Variants in SETD2 observed in about 807,000 individuals in gnomAD.
SETD2 encodes the protein histone-lysine N-methyltransferase SETD2.
In SETD2, 31 loss-of-function variants were observed where a neutral mutation model predicts 242.1. The observed-to-expected ratio is 0.13, with a 90% confidence interval of 0.10 to 0.17. The LOEUF is 0.17. Among genes scored for constraint, SETD2 ranks in the 10% least tolerant of loss-of-function variants. The pLI, the probability that SETD2 is intolerant of heterozygous loss-of-function variation, is 1.00. For missense variants in SETD2, 2,481 were observed against 3,046.3 expected (o/e 0.81, Z 4.37); for synonymous variants, 1,006 against 1,066.5 (o/e 0.94, Z 1.11).
At chr3:47,150,042 T>TTTTTTTC (rs2043948151) in intron 1 of SETD2, among the ~76,000 whole-genome samples, 1 of 140,946 alleles carries the variant, frequency 7.1e-6, no homozygotes, top group South Asian at 2.3e-4. Flanking sequence ...TTTTTTTTTT[T>TTTTTTTC]TTTTTTGAGA....
chr3:47,063,371 A>C (rs2040423308), intron 13 of SETD2, among the ~76,000 whole-genome samples: 1 of 152,124 alleles, frequency 6.6e-6, no homozygotes, highest in Admixed American at 6.5e-5. Flanking sequence ...GCTACTTGCA[A>C]GAGGCTGAGG....
At position 47,122,691 on chromosome 3, in the gene SETD2, T is replaced by C. The variant is rs2043149647; in HGVS notation, c.1945A>G (p.Ile649Val). 2.5e-6 allele frequency: 4 copies of C among 1,613,240 alleles called. No individual in the cohort carries two copies. Among genetic ancestry groups the C allele is most frequent in the African/African-American group, 1.3e-5 (1 of 74,886 alleles). Reference sequence around the variant, plus strand: ...TTAGATAAAGAGTCTAATTCCTTAATACTATCATGGCTATCATGTGTTATA... The same window carrying C: ...TTAGATAAAGAGTCTAATTCCTTAACACTATCATGGCTATCATGTGTTATA... ...EFITHDSHDS[I>V]KELDSLSKVK... is the part of the protein sequence containing the mutation. Residue 649 changes from isoleucine to valine, a missense_variant, in exon 3 of 21, where the codon ATT becomes GTT. By Grantham distance (29) the Ile-to-Val change is conservative. Transcript: ENST00000409792.
Position 47,062,350 on chromosome 3 carries a change from A to G in SETD2, c.6110-4T>C. On this transcript the variant is annotated splice_polypyrimidine_tract_variant and splice_region_variant and intron_variant, in intron 13 of 20. Coordinates refer to ENST00000409792, the MANE Select transcript of SETD2 (RefSeq NM_014159.7). ...GCATCCCTTCCTCGTTCAGTTGCTA[A>G]GGGAAAAGGGTGGTTTGTTTGTTTT... 1.3e-6 allele frequency: 2 copies of G among 1,560,178 alleles called. No individual in the cohort carries two copies. Among genetic ancestry groups the G allele is most frequent in the Non-Finnish European group, 1.7e-6 (2 of 1,163,178 alleles).
chr3:47,103,486 G>T, intron 6 of SETD2, 63 bp from the exon 7 acceptor site: 1 of 1,128,456 alleles, frequency 8.9e-7, no homozygotes, highest in Non-Finnish European at 1.3e-6. Flanking sequence ...GCAATTACCT[G>T]CAAAACTACA....
chr3:47,110,183 T>C (rs1205146303), intron 5 of SETD2, among the ~76,000 whole-genome samples: 1 of 152,190 alleles, frequency 6.6e-6, no homozygotes, highest in Non-Finnish European at 1.5e-5. Flanking sequence ...CCACATATTG[T>C]ATAATTTCAT....
intron 11 of SETD2, 59 bp downstream of exon 11, chr3:47,086,136 A>T: frequency 6.3e-7 from 1 of 1,588,756 alleles, no homozygotes; most frequent in Non-Finnish European, 8.6e-7. Context: ...TCACATATCC[A>T]CAACCGAGGC....
rs1299511576 is a variant in SETD2, at chr3:47,122,876, G to T, written c.1760C>A (p.Ser587Tyr). The T allele has an allele frequency of 6.2e-7, 1 of 1,610,238 alleles. No homozygotes were observed. Among genetic ancestry groups the T allele is most frequent in the African/African-American group, 1.3e-5 (1 of 74,618 alleles). The change falls in exon 3 of 21, where the codon TCT (serine) becomes TAT (tyrosine). Residue 587 changes from serine (S) to tyrosine (Y), a missense_variant. By Grantham distance (144) the Ser-to-Tyr change is moderately radical. This residue lies in a region of SETD2 where 1,300 missense variants were observed against 1,259.2 expected (regional missense o/e 1.03). Transcript: ENST00000409792. ...ELNEEIKQSH[S>Y]FSLQTPCSKG... ...TGAACAAGGTGTCTGTAAACTAAAA[G>T]AATGAGACTGTTTGATTTCTTCATT... is the stretch of plus-strand genomic sequence containing the variant.
chr3:47,037,288 C>CT (rs113038948), intron 18 of SETD2, among the ~76,000 whole-genome samples: 1 of 117,452 alleles, frequency 8.5e-6, no homozygotes, highest in African/African-American at 3.4e-5. Flanking sequence ...CCCTCCCCCC[C>CT]ACCCCACAAC....
At chr3:47,162,313 C>T (rs1322080114) in intron 1 of SETD2, among the ~76,000 whole-genome samples, 1 of 151,986 alleles carries the variant, frequency 6.6e-6, no homozygotes, top group Non-Finnish European at 1.5e-5. Flanking sequence ...AAACTAAAAA[C>T]CTATAACATG....
intron 14 of SETD2, 103 bp from the exon 15 acceptor site, chr3:47,057,593 T>C (rs2040136272): frequency 2.5e-6 from 2 of 803,370 alleles, no homozygotes; most frequent in Non-Finnish European, 4.0e-6. Flanking sequence ...ACTAACCACA[T>C]CAAACCCTAT....
chr3:47,095,426 G>A (rs1444928587), intron 9 of SETD2, among the ~76,000 whole-genome samples: 1 of 152,202 alleles, frequency 6.6e-6, no homozygotes, highest in Non-Finnish European at 1.5e-5. Context: ...GAGCCACCGT[G>A]CCTGGCCTGG....
chr3:47,019,427 A>G (rs1424448773), intron 19 of SETD2, among the ~76,000 whole-genome samples: 4 of 152,244 alleles, frequency 2.6e-5, no homozygotes, highest in East Asian at 1.9e-4. Flanking sequence ...TGTCATTCAC[A>G]TAACAACTAA....
intron 4 of SETD2, among the ~76,000 whole-genome samples, chr3:47,116,048 C>T (rs2042840061): frequency 6.6e-6 from 1 of 152,138 alleles, no homozygotes. Flanking sequence ...GAATAGAATA[C>T]ATAATGCAGT....
In SETD2 at chr3:47,121,121, C is replaced by T; in HGVS notation, c.3515G>A (p.Ser1172Asn). ...AGGGTCAGATTTCACATCTGTATGACTTGTACTATCAACCCCATCACTCTG... is the reference window on the plus strand; with the variant it reads ...AGGGTCAGATTTCACATCTGTATGATTTGTACTATCAACCCCATCACTCTG... Reference protein sequence around the residue: ...HPQSDGVDSTSHTDVKSDPLG... With the variant: ...HPQSDGVDSTNHTDVKSDPLG... The change falls in exon 3 of 21, where the codon AGT becomes AAT. Residue 1172 changes from serine (S) to asparagine (N), a missense_variant. Around this residue, in one of 17 missense-constraint regions of SETD2, gnomAD observed 1,300 missense variants for 1,259.2 expected, o/e 1.03. Transcript: ENST00000409792. The T allele has an allele frequency of 6.2e-7, 1 of 1,614,122 alleles. No homozygotes were observed. The highest frequency in any genetic ancestry group is 8.5e-7 in the Non-Finnish European group (1 of 1,180,010).
rs1471434383 is a variant in SETD2 at position 47,121,379 on chromosome 3, C to A, written c.3257G>T (p.Cys1086Phe). ...STLPMEETSP[C>F]SSRSSQSYRH... is the part of the protein sequence containing the mutation. ...ATAACTTTGACTGCTCCGAGAAGAA[C>A]AAGGACTTGTTTCTTCCATGGGCAA... Residue 1086 changes from cysteine (C) to phenylalanine (F), a missense_variant, in exon 3 of 21, where the codon TGT becomes TTT. By Grantham distance (205) the Cys-to-Phe change is radical. This residue lies in a region of SETD2 where 1,300 missense variants were observed against 1,259.2 expected (regional missense o/e 1.03). Coordinates refer to ENST00000409792, the MANE Select transcript of SETD2 (RefSeq NM_014159.7). 1 of 1,609,720 alleles carries A rather than the reference C, an allele frequency of 6.2e-7. No individual in the cohort carries two copies. Among genetic ancestry groups the A allele is most frequent in the African/African-American group, 1.3e-5 (1 of 74,906 alleles).
intron 1 of SETD2, among the ~76,000 whole-genome samples, chr3:47,142,566 G>A (rs1388988942): frequency 2.6e-5 from 4 of 151,788 alleles, no homozygotes; most frequent in South Asian, 2.1e-4. Flanking sequence ...ATACTGCTCC[G>A]GAATGTACTG....
rs2043064109 is a variant in SETD2 at position 47,121,071 on chromosome 3, T to C, written c.3565A>G (p.Thr1189Ala). The change falls in exon 3 of 21, where the codon ACC becomes GCC. Residue 1189 changes from threonine (T) to alanine (A), a missense_variant. Thr to Ala is a moderately conservative substitution (Grantham distance 58). Around this residue, in one of 17 missense-constraint regions of SETD2, gnomAD observed 1,300 missense variants for 1,259.2 expected, o/e 1.03. Coordinates refer to ENST00000409792, the MANE Select transcript of SETD2 (RefSeq NM_014159.7). ...CTAGAAGGTATTTTGGCTTTCACGGTTTCCTCTGAATTTGGGTGACCCAGA... is the reference window on the plus strand; with the variant it reads ...CTAGAAGGTATTTTGGCTTTCACGGCTTCCTCTGAATTTGGGTGACCCAGA... Reference protein sequence around the residue: ...DPLGHPNSEETVKAKIPSRQQ... With the variant: ...DPLGHPNSEEAVKAKIPSRQQ... 1 of 1,614,150 alleles carries C rather than the reference T, an allele frequency of 6.2e-7. No individual in the cohort carries two copies. The highest frequency in any genetic ancestry group is 8.5e-7 in the Non-Finnish European group (1 of 1,180,012).
chr3:47,107,722 GGGGGGGGT>G (rs1283539486), intron 5 of SETD2, among the ~76,000 whole-genome samples: 19 of 976 alleles, frequency 0.019, 1 homozygote, highest in Admixed American at 0.11. Flanking sequence ...TTGGGTGGCG[GGGGGGGGT>G]GGGGGGGGGG....
intron 12 of SETD2, among the ~76,000 whole-genome samples, chr3:47,077,164 A>C (rs2041118093): frequency 6.6e-6 from 1 of 152,182 alleles, no homozygotes; most frequent in African/African-American, 2.4e-5. Context: ...AGCTCACTGC[A>C]ACCTCTACCT....
Sources: allele counts gnomAD v4.1 joint callset (sites outside exome capture counted in the v4.1 genomes callset), GRCh38; gene constraint gnomAD v4.1.1; regional missense constraint gnomAD v4.1.1; transcripts MANE v1.5; gene names NCBI Gene and HGNC (gene_info 2026-07-23, HGNC 2026-07-21).